ADGRG7: variants seen among roughly 807,000 people sequenced by gnomAD.
ADGRG7 encodes the protein G-protein coupled receptor 128.
ADGRG7 carries 82 observed loss-of-function variants against 88.6 expected under a neutral mutation model. The ratio of observed to expected loss-of-function variants is 0.93; its 90% CI spans 0.77 to 1.11. ADGRG7 has a LOEUF of 1.11. Ranked by LOEUF, ADGRG7 falls within the 50% of genes most tolerant of loss-of-function variation. The pLI, the probability that ADGRG7 is intolerant of heterozygous loss-of-function variation, is 0.00. For synonymous variants in ADGRG7, 381 were observed against 345.2 expected (o/e 1.10, Z -1.15); for missense variants, 945 against 953.4 (o/e 0.99, Z 0.12).
intron 8 of ADGRG7, 113 bp downstream of exon 8, chr3:100,643,746 T>A: frequency 1.5e-6 from 1 of 665,030 alleles, no homozygotes; most frequent in South Asian, 2.0e-5. Flanking sequence ...CTGAGTAATT[T>A]GCATTTGAGT....
intron 13 of ADGRG7, among the ~76,000 whole-genome samples, chr3:100,657,482 C>G (rs2094939272): frequency 6.6e-6 from 1 of 152,226 alleles, no homozygotes. Flanking sequence ...CCACATTCCT[C>G]TTTAATGCTC....
chr3:100,659,748 C>T lies in ADGRG7; in HGVS notation c.1884C>T (p.Phe628=). Reference sequence around the variant, plus strand: ...TAAAAAGTCCGCTGTTGTGGTCATTCATCGTACCTGTAACCATTATCCTCA... The same window carrying T: ...TAAAAAGTCCGCTGTTGTGGTCATTTATCGTACCTGTAACCATTATCCTCA... The part of the protein sequence containing the change: ...GVIKSPLLWS[F]IVPVTIILIS... Residue 628 remains phenylalanine, a synonymous_variant, in exon 14 of 16, where the codon TTC becomes TTT. Transcript: ENST00000273352. The T allele has an allele frequency of 6.2e-7, 1 of 1,614,008 alleles. No homozygotes were observed. The highest frequency in any genetic ancestry group is 8.5e-7 in the Non-Finnish European group (1 of 1,179,940).
chr3:100,689,817 T>G (rs2094989968), intron 15 of ADGRG7, among the ~76,000 whole-genome samples: 1 of 152,228 alleles, frequency 6.6e-6, no homozygotes, highest in Admixed American at 6.5e-5. Context: ...ATTTTTTCCT[T>G]CATTTCGACT....
At chr3:100,620,208 C>T (rs1707289159) in intron 1 of ADGRG7, among the ~76,000 whole-genome samples, 1 of 152,168 alleles carries the variant, frequency 6.6e-6, no homozygotes, top group African/African-American at 2.4e-5. Context: ...AGCTTATCCA[C>T]CATGATCAAG....
intron 8 of ADGRG7, among the ~76,000 whole-genome samples, chr3:100,644,608 G>A (rs1320381286): frequency 1.3e-5 from 2 of 151,684 alleles, no homozygotes; most frequent in Non-Finnish European, 2.9e-5. Flanking sequence ...AATCACTGCA[G>A]CCTCAACCTC....
At chr3:100,664,284 A>T (rs1191278225) in intron 14 of ADGRG7, among the ~76,000 whole-genome samples, 1 of 152,190 alleles carries the variant, frequency 6.6e-6, no homozygotes, top group Non-Finnish European at 1.5e-5. Flanking sequence ...TTCACAGGAC[A>T]TTAAGCGGTG....
chr3:100,676,737 T>C (rs1413122254), intron 15 of ADGRG7, among the ~76,000 whole-genome samples: 1 of 152,072 alleles, frequency 6.6e-6, no homozygotes, highest in East Asian at 1.9e-4. Flanking sequence ...GGTATATATC[T>C]CTCATTAGCT....
In ADGRG7 at chr3:100,611,007, A is replaced by T. The variant is rs143081208; in HGVS notation, c.115+1036A>T. On this transcript the variant is annotated intron_variant, in intron 1 of 15. Transcript: ENST00000273352. ...GTCCTCCCCCTACCCCACCGCCCTA[A>T]CCAGTATTTAGAGAATACTGTATCG... Among the ~76,000 whole-genome samples the T allele has an allele frequency of 2.3e-4, 35 of 152,290 alleles. No homozygotes were observed. In the East Asian group the frequency reaches 5.2e-3, roughly 23 times the overall value.
At chr3:100,655,260 A>T in intron 12 of ADGRG7, 79 bp downstream of exon 12, 1 of 995,776 alleles carries the variant, frequency 1.0e-6, no homozygotes, top group Non-Finnish European at 1.5e-6. Flanking sequence ...TGAAGGCCTA[A>T]TAGTCCAAGG....
At chr3:100,694,220 A>G (rs1290255564) in intron 15 of ADGRG7, among the ~76,000 whole-genome samples, 1 of 152,254 alleles carries the variant, frequency 6.6e-6, no homozygotes, top group Non-Finnish European at 1.5e-5. Context: ...CTGGAAACAT[A>G]TAGAAAATAT....
chr3:100,611,248 C>CTTCTTTCT (rs143346795), intron 1 of ADGRG7, among the ~76,000 whole-genome samples: 1 of 95,996 alleles, frequency 1.0e-5, no homozygotes. Flanking sequence ...TTTGTTTTTC[C>CTTCTTTCT]TTCCTTCCTT....
chr3:100,631,421 G>A (rs903913054), intron 3 of ADGRG7, among the ~76,000 whole-genome samples: 2 of 152,044 alleles, frequency 1.3e-5, no homozygotes, highest in African/African-American at 4.8e-5. Flanking sequence ...TGCCACATTG[G>A]GTAATGTCTT....
intron 3 of ADGRG7, among the ~76,000 whole-genome samples, 168 bp from the exon 4 acceptor site, chr3:100,633,097 G>A (rs73145104): frequency 6.6e-6 from 1 of 152,204 alleles, no homozygotes; most frequent in Non-Finnish European, 1.5e-5. Context: ...CTGGTCTTTT[G>A]AAGTCCAGAT....
intron 15 of ADGRG7, among the ~76,000 whole-genome samples, chr3:100,672,668 A>G (rs1170402703): frequency 6.6e-6 from 1 of 152,198 alleles, no homozygotes; most frequent in Admixed American, 6.5e-5. Flanking sequence ...GTTTTTGCCC[A>G]TTCAGTATGA....
At chr3:100,692,271 G>T (rs2149045069) in intron 15 of ADGRG7, among the ~76,000 whole-genome samples, 1 of 152,280 alleles carries the variant, frequency 6.6e-6, no homozygotes, top group East Asian at 1.9e-4. Flanking sequence ...CTTAGATAAT[G>T]GATGGGTGCC....
At chr3:100,630,912 A>C in intron 3 of ADGRG7, 103 bp downstream of exon 3, 1 of 520,632 alleles carries the variant, frequency 1.9e-6, no homozygotes, top group Non-Finnish European at 3.2e-6. Flanking sequence ...GGCATCAGGA[A>C]AGGTTTTGTG....
intron 15 of ADGRG7, 49 bp from the exon 16 acceptor site, chr3:100,694,695 T>C (rs1476914760): frequency 6.4e-7 from 1 of 1,559,480 alleles, no homozygotes; most frequent in Admixed American, 1.7e-5. Flanking sequence ...TCTTCCTTGA[T>C]ACTGTATCTC....
intron 1 of ADGRG7, among the ~76,000 whole-genome samples, chr3:100,620,508 A>T (rs1707296064): frequency 6.6e-6 from 1 of 152,228 alleles, no homozygotes; most frequent in Non-Finnish European, 1.5e-5. Context: ...CAAGACAGGG[A>T]TGCCCTGTGT....
intron 15 of ADGRG7, among the ~76,000 whole-genome samples, chr3:100,674,497 T>C (rs139812658): frequency 2.9e-4 from 44 of 152,252 alleles, no homozygotes; most frequent in African/African-American, 1.0e-3. Flanking sequence ...GTTGTAGAGA[T>C]CTTTCACTTT....
Sources: allele counts gnomAD v4.1 joint callset (sites outside exome capture counted in the v4.1 genomes callset), GRCh38; gene constraint gnomAD v4.1.1; transcripts MANE v1.5; gene names NCBI Gene and HGNC (gene_info 2026-07-23, HGNC 2026-07-21).